Variants in CSN3 observed in about 807,000 individuals in gnomAD.
CSN3 encodes the protein kappa-casein.
In CSN3, 7 loss-of-function variants were observed where a neutral mutation model predicts 9.9. The ratio of observed to expected loss-of-function variants is 0.71; its 90% CI spans 0.40 to 1.33. The LOEUF is 1.33. Ranked by LOEUF, CSN3 falls within the 40% of genes most tolerant of loss-of-function variation. The probability of loss-of-function intolerance (pLI) is 0.01; values close to 1 mark genes in which losing one functional copy is unlikely to be tolerated. For synonymous variants in CSN3, 88 were observed against 82.3 expected (o/e 1.07, Z -0.37); for missense variants, 253 against 227.9 (o/e 1.11, Z -0.71).
At chr4:70,247,706 A>G (rs1205475856) in intron 2 of CSN3, 112 bp from the exon 3 acceptor site, 2 of 922,768 alleles carry the variant, frequency 2.2e-6, no homozygotes, top group East Asian at 2.8e-5. Flanking sequence ...TTTAAAAAAT[A>G]AAAAGAAAAC....
intron 1 of CSN3, 36 bp from the exon 2 acceptor site, chr4:70,244,776 T>A: frequency 1.6e-6 from 2 of 1,287,398 alleles, no homozygotes. Context: ...AGTAACAAAT[T>A]CTTTTAAATT....
At chr4:70,240,248 T>A (rs1488929890), upstream of CSN3, among the ~76,000 whole-genome samples, 1 of 151,360 alleles carries the variant, frequency 6.6e-6, no homozygotes, top group African/African-American at 2.4e-5. Flanking sequence ...AATGTTTTTG[T>A]TTACAATGCT....
Position 70,244,853 on chromosome 4 carries a change from G to A in CSN3, c.34G>A (p.Ala12Thr), listed in dbSNP as rs761242108. Residue 12 changes from alanine to threonine, a missense_variant, in exon 2 of 5, where the codon GCA (alanine) becomes ACA (threonine). Transcript: ENST00000304954. Reference sequence around the variant, plus strand: ...TTTTCTTCTAGTTGTCAATGCCCTGGCATTAACCCTGCCTTTTTTGGTAAG... The same window carrying A: ...TTTTCTTCTAGTTGTCAATGCCCTGACATTAACCCTGCCTTTTTTGGTAAG... 9.6e-6 allele frequency: 15 copies of A among 1,566,136 alleles called. No homozygotes were observed. The African/African-American group carries it at 1.6e-4, about 17-fold the overall frequency.
At chr4:70,240,328 T>C (rs1046525134), upstream of CSN3, among the ~76,000 whole-genome samples, 2 of 152,000 alleles carry the variant, frequency 1.3e-5, no homozygotes, top group African/African-American at 4.8e-5. Flanking sequence ...GGTATGAATA[T>C]ACACTGATTA....
At chr4:70,243,438 T>C (rs1308669939) in intron 1 of CSN3, among the ~76,000 whole-genome samples, 1 of 151,980 alleles carries the variant, frequency 6.6e-6, no homozygotes, top group Non-Finnish European at 1.5e-5. Flanking sequence ...TCCAAATGAG[T>C]TCCATCGAAT....
rs1477790056 is a variant in CSN3 at position 70,248,954 on chromosome 4, G to A, written c.88-44G>A. The stretch of plus-strand genomic sequence containing the variant: ...GCAGATTTAAGGTATTTCCACATTT[G>A]GGTCTATAATAATAATATTCTGTAT... On this transcript the variant is annotated intron_variant, in intron 3 of 4. Transcript: ENST00000304954. 9 of 1,359,226 alleles carry A rather than the reference G, an allele frequency of 6.6e-6. No homozygotes were observed. In the South Asian group the frequency reaches 1.3e-4, roughly 20 times the overall value. The allele number at this position is 1,359,226 out of a possible 1,614,324, so 84.2% of individuals were successfully genotyped here. A position where few individuals can be genotyped will look rare whatever the true frequency, so the allele number is the denominator to read the frequency against.
intron 1 of CSN3, among the ~76,000 whole-genome samples, chr4:70,243,589 T>G (rs1475881377): frequency 2.6e-5 from 4 of 152,066 alleles, no homozygotes; most frequent in Non-Finnish European, 4.4e-5. Flanking sequence ...TCTGTGAATC[T>G]TTTTTGCGAA....
At chr4:70,242,861 C>A (rs1322127708) in intron 1 of CSN3, among the ~76,000 whole-genome samples, 196 bp downstream of exon 1, 1 of 152,040 alleles carries the variant, frequency 6.6e-6, no homozygotes, top group East Asian at 1.9e-4. Context: ...TTATTTTTAA[C>A]TTTACTTTGG....
Position 70,248,971 on chromosome 4 carries a change from A to T in CSN3, c.88-27A>T, listed in dbSNP as rs763832452. 10 of 1,476,710 alleles carry T rather than the reference A, an allele frequency of 6.8e-6. No homozygotes were observed. The East Asian group carries it at 2.3e-4, about 34-fold the overall frequency. The allele number at this position is 1,476,710 out of a possible 1,614,324, so 91.5% of individuals were successfully genotyped here. A position where few individuals can be genotyped will look rare whatever the true frequency, so the allele number is the denominator to read the frequency against. On this transcript the variant is annotated intron_variant, in intron 3 of 4. Coordinates refer to ENST00000304954, the Ensembl canonical transcript of CSN3. ...CCACATTTGGGTCTATAATAATAAT[A>T]TTCTGTATAATTTATTTTTTTTGCA...
chr4:70,249,220 C>A, exon 4 of CSN3: 1 of 1,613,980 alleles, frequency 6.2e-7, no homozygotes. Context: ...AAATAGCCAC[C>A]CACCCACTGT....
exon 4 of CSN3, chr4:70,249,259 T>C: frequency 6.2e-7 from 1 of 1,614,078 alleles, no homozygotes; most frequent in Non-Finnish European, 8.5e-7. Flanking sequence ...GCATCCATCA[T>C]TTATTGCCAT....
At chr4:70,240,632 C>A (rs1444042333), upstream of CSN3, among the ~76,000 whole-genome samples, 1 of 151,942 alleles carries the variant, frequency 6.6e-6, no homozygotes, top group African/African-American at 2.4e-5. Flanking sequence ...TCTAATTCAT[C>A]TACTCCAGTC....
At chr4:70,243,717 G>A (rs3775748) in intron 1 of CSN3, among the ~76,000 whole-genome samples, 17,254 of 151,884 alleles carry the variant, frequency 0.11, 1,291 homozygotes, top group East Asian at 0.27. Context: ...AAAGTTTGGG[G>A]TATCATATAT....
chr4:70,249,060 T>C (rs1314775050), exon 4 of CSN3: 2 of 1,613,752 alleles, frequency 1.2e-6, no homozygotes, highest in African/African-American at 2.7e-5. Flanking sequence ...CAATGTATTA[T>C]GTGCCAAATA....
At chr4:70,249,972 A>G (rs1243362748) in intron 4 of CSN3, among the ~76,000 whole-genome samples, 1 of 152,178 alleles carries the variant, frequency 6.6e-6, no homozygotes, top group Non-Finnish European at 1.5e-5. Flanking sequence ...GCTTCCATGC[A>G]TTTCTTTATT....
intron 4 of CSN3, among the ~76,000 whole-genome samples, chr4:70,250,259 G>A (rs1287442685): frequency 2.0e-5 from 3 of 151,890 alleles, no homozygotes; most frequent in African/African-American, 7.2e-5. Flanking sequence ...AAATAATTTG[G>A]GGAGAAAGTT....
At chr4:70,244,977 A>G (rs1410438872) in intron 2 of CSN3, 104 bp downstream of exon 2, 13 of 531,276 alleles carry the variant, frequency 2.4e-5, no homozygotes, top group Non-Finnish European at 3.9e-5. Flanking sequence ...CATAGAACAA[A>G]ATATCCACAT....
upstream of CSN3, among the ~76,000 whole-genome samples, chr4:70,239,140 A>C (rs1730225654): frequency 2.0e-5 from 3 of 151,836 alleles, no homozygotes; most frequent in Admixed American, 2.0e-4. Context: ...AGAATTTTTA[A>C]AAGTTCTCCT....
exon 3 of CSN3, chr4:70,247,826 G>A (rs1361795233): frequency 1.3e-6 from 2 of 1,592,350 alleles, no homozygotes; most frequent in Non-Finnish European, 1.7e-6. Flanking sequence ...AGGCTGTGGA[G>A]GTTCAAAACC....
Sources: allele counts gnomAD v4.1 joint callset (sites outside exome capture counted in the v4.1 genomes callset), GRCh38; gene constraint gnomAD v4.1.1; transcripts MANE v1.5; gene names NCBI Gene and HGNC (gene_info 2026-07-23, HGNC 2026-07-21).